The following EPCIP variants were observed in gnomAD, a reference collection of about 807,000 sequenced individuals.
EPCIP encodes the protein exosomal polycystin 1 interacting protein.
the EPCIP span, among the ~76,000 whole-genome samples, chr21:32,792,124 G>A: frequency 2.6e-5 from 4 of 151,978 alleles, no homozygotes; most frequent in African/African-American, 4.8e-5. Context: ...GGCTGGTCTC[G>A]AACTCCCGAC....
the EPCIP span, among the ~76,000 whole-genome samples, chr21:32,811,150 A>G: frequency 7.1e-6 from 1 of 141,436 alleles, no homozygotes; most frequent in South Asian, 2.6e-4. Flanking sequence ...TTTTTTTTTT[A>G]GACCGAGTCT....
chr21:32,810,629 C>T, the EPCIP span: 1 of 471,474 alleles, frequency 2.1e-6, no homozygotes, highest in African/African-American at 2.0e-5. Context: ...TATGTGCGTC[C>T]ACTCTCTTGG....
At chr21:32,805,927 C>T in the EPCIP span, among the ~76,000 whole-genome samples, 9 of 152,126 alleles carry the variant, frequency 5.9e-5, no homozygotes. Flanking sequence ...ATACATCTGG[C>T]TACGTCTTAT....
chr21:32,796,917 A>G, the EPCIP span: 3 of 466,800 alleles, frequency 6.4e-6, no homozygotes, highest in Non-Finnish European at 1.3e-5. Context: ...TAGTGAGAAA[A>G]GTGTCTGCCT....
the EPCIP span, among the ~76,000 whole-genome samples, chr21:32,796,421 G>C: frequency 2.2e-4 from 33 of 152,318 alleles, no homozygotes; most frequent in African/African-American, 7.5e-4. Context: ...AGACCAATAA[G>C]GCTGAACTGA....
the EPCIP span, chr21:32,807,736 C>G: frequency 1.5e-4 from 23 of 152,224 alleles, no homozygotes; most frequent in African/African-American, 4.3e-4. Context: ...GCAGAAAAAC[C>G]AGAATGAGTT....
chr21:32,803,218 T>G, the EPCIP span, among the ~76,000 whole-genome samples: 1 of 152,248 alleles, frequency 6.6e-6, no homozygotes, highest in African/African-American at 2.4e-5. Flanking sequence ...GATTGGTATC[T>G]GATACCAGTT....
the EPCIP span, among the ~76,000 whole-genome samples, chr21:32,792,912 A>T: frequency 3.3e-4 from 22 of 67,114 alleles, no homozygotes; most frequent in East Asian, 1.1e-3. Flanking sequence ...TTTTATTATT[A>T]TTATTTTTTT....
the EPCIP span, chr21:32,797,757 A>C: frequency 6.6e-6 from 1 of 152,246 alleles, no homozygotes; most frequent in African/African-American, 2.4e-5. Flanking sequence ...AATCCAATTA[A>C]GACTCACTTG....
chr21:32,796,613 A>G, the EPCIP span, among the ~76,000 whole-genome samples: 1 of 152,202 alleles, frequency 6.6e-6, no homozygotes, highest in Non-Finnish European at 1.5e-5. Context: ...TGAAAGAAAG[A>G]GCTTTGAGAA....
chr21:32,804,078 C>G, the EPCIP span, among the ~76,000 whole-genome samples: 1 of 152,074 alleles, frequency 6.6e-6, no homozygotes, highest in Non-Finnish European at 1.5e-5. Flanking sequence ...TGGAATTATG[C>G]AGGCAAAATT....
the EPCIP span, among the ~76,000 whole-genome samples, chr21:32,803,916 A>C: frequency 6.6e-6 from 1 of 152,184 alleles, no homozygotes; most frequent in African/African-American, 2.4e-5. Flanking sequence ...TGGTTTACAC[A>C]GTTCATTGTG....
the EPCIP span, among the ~76,000 whole-genome samples, chr21:32,808,328 T>C: frequency 0.72 from 108,980 of 151,900 alleles, 39,920 homozygotes; most frequent in East Asian, 0.91. Context: ...AGACCTTTAC[T>C]ATTTTAATTA....
chr21:32,800,351 A>T, the EPCIP span, among the ~76,000 whole-genome samples: 1 of 152,058 alleles, frequency 6.6e-6, no homozygotes, highest in Non-Finnish European at 1.5e-5. Context: ...TCAATTTAGA[A>T]CCCTCTGTCT....
At chr21:32,792,251 A>T in the EPCIP span, among the ~76,000 whole-genome samples, 1 of 152,102 alleles carries the variant, frequency 6.6e-6, no homozygotes, top group African/African-American at 2.4e-5. Context: ...AATCCATTTA[A>T]TTTTTTCAAA....
At chr21:32,797,002 G>C in the EPCIP span, 1 of 389,228 alleles carries the variant, frequency 2.6e-6, no homozygotes, top group African/African-American at 2.8e-5. Context: ...AAGGATATTG[G>C]TTTGCGGAAC....
At chr21:32,796,336 G>A in the EPCIP span, among the ~76,000 whole-genome samples, 1 of 152,150 alleles carries the variant, frequency 6.6e-6, no homozygotes, top group African/African-American at 2.4e-5. Context: ...CCAGGCCCTG[G>A]CTTAGGCCAA....
the EPCIP span, chr21:32,810,740 A>G: frequency 1.3e-5 from 6 of 462,642 alleles, no homozygotes; most frequent in East Asian, 4.2e-4. Flanking sequence ...CATGTCCCAC[A>G]TTGTATCTGA....
the EPCIP span, among the ~76,000 whole-genome samples, chr21:32,791,734 G>T: frequency 3.1e-5 from 4 of 130,472 alleles, no homozygotes; most frequent in Non-Finnish European, 6.6e-5. Context: ...AAGGTTAAGT[G>T]AAAAAAAAAA....
Sources: gnomAD v4.1 joint callset for allele counts (sites outside exome capture counted in the v4.1 genomes callset) on GRCh38, gnomAD v4.1.1 for gene constraint, MANE v1.5 for transcripts, NCBI Gene and HGNC (gene_info 2026-07-23, HGNC 2026-07-21) for gene names.